FAAP20: variants seen among roughly 807,000 people sequenced by gnomAD.
FAAP20 encodes Fanconi anemia core complex-associated protein 20.
Under a neutral mutation model 16.2 loss-of-function variants are expected in FAAP20, and 12 were observed. The observed-to-expected ratio is 0.74, with a 90% CI of 0.48 to 1.20. The LOEUF (loss-of-function observed/expected upper bound fraction) is 1.20, where lower values mean the gene tolerates loss of function less well. Ranked by LOEUF, FAAP20 falls within the 50% of genes most tolerant of loss-of-function variation. FAAP20 has a pLI of 0.00. For missense variants in FAAP20, 288 were observed against 245.8 expected, an observed-to-expected ratio of 1.17 and a Z score of -1.15; for synonymous variants, 141 against 110.7, an observed-to-expected ratio of 1.27 and a Z score of -1.72.
upstream of FAAP20, among the ~76,000 whole-genome samples, chr1:2,202,705 A>C (rs1350079741): frequency 1.3e-5 from 2 of 152,074 alleles, no homozygotes; most frequent in East Asian, 3.9e-4. Flanking sequence ...TGAACTCCTG[A>C]GCTCAAGCGA....
At chr1:2,203,384 T>G, upstream of FAAP20, 1 of 981,166 alleles carries the variant, frequency 1.0e-6, no homozygotes, top group Non-Finnish European at 1.2e-6. Context: ...CACCCATGGC[T>G]GCCCTGCCCA....
upstream of FAAP20, chr1:2,197,924 G>A (rs1426888021): frequency 1.6e-6 from 2 of 1,224,862 alleles, no homozygotes; most frequent in Non-Finnish European, 2.1e-6. Flanking sequence ...CCCGACAGCT[G>A]CCTGCCAGCC....
upstream of FAAP20, chr1:2,198,915 G>A: frequency 1.6e-6 from 2 of 1,289,806 alleles, no homozygotes; most frequent in Non-Finnish European, 2.0e-6. Flanking sequence ...AGGCAGACAG[G>A]CTGTGAGAGA....
At chr1:2,191,750 A>G (rs1201533401) in intron 3 of FAAP20, 1 of 874,836 alleles carries the variant, frequency 1.1e-6, no homozygotes, top group African/African-American at 1.8e-5. Flanking sequence ...CAAAAAAAAA[A>G]AAAAATCCCA....
chr1:2,185,257 G>C (rs769006667), downstream of FAAP20: 1 of 714,962 alleles, frequency 1.4e-6, no homozygotes, highest in Non-Finnish European at 2.6e-6. Flanking sequence ...CGGATCCGCG[G>C]GGACCCTGCC....
upstream of FAAP20, chr1:2,198,272 G>A (rs1688903849): frequency 1.0e-6 from 1 of 974,746 alleles, no homozygotes. Flanking sequence ...CAGAGCAGAA[G>A]GTGATCGAGT....
downstream of FAAP20, chr1:2,185,546 C>G (rs772509920): frequency 1.4e-6 from 1 of 712,810 alleles, no homozygotes. Flanking sequence ...AGAATTGTTT[C>G]CTAAAAACCC....
chr1:2,189,656 C>CCG lies in FAAP20; in HGVS notation c.*52_*53insCG. The CCG allele has an allele frequency of 6.8e-7, 1 of 1,473,078 alleles. No homozygotes were observed. 91.3% of individuals were successfully genotyped at this position (1,473,078 alleles called of 1,614,324 possible). A position where few individuals can be genotyped will look rare whatever the true frequency, so the allele number is the denominator to read the frequency against. On this transcript the variant is annotated 3_prime_UTR_variant, in exon 4 of 4. Transcript: ENST00000378546. The stretch of plus-strand genomic sequence containing the variant: ...GGGAGCCGAGAGGCGGGGCTGCTGG[C>CCG]GGGGGAGAGCGTGTCCGGGCGCCGC...
downstream of FAAP20, among the ~76,000 whole-genome samples, chr1:2,208,985 G>A (rs975467043): frequency 2.6e-5 from 4 of 152,208 alleles, no homozygotes; most frequent in African/African-American, 4.8e-5. Flanking sequence ...CACAAAGCCC[G>A]GACCCCACTC....
chr1:2,190,139 G>A (rs56368624), intron 3 of FAAP20: 7 of 510,854 alleles, frequency 1.4e-5, no homozygotes, highest in African/African-American at 7.7e-5. Context: ...AGGCAGGACG[G>A]CGGGTGGCCT....
upstream of FAAP20, chr1:2,199,206 G>A (rs1455271991): frequency 8.6e-7 from 1 of 1,167,122 alleles, no homozygotes; most frequent in Non-Finnish European, 1.1e-6. This position sits in a 1 kb window ranked among gnomAD's most constrained non-coding sequence, Gnocchi z 4.5. Flanking sequence ...CGACCAGACA[G>A]GGCCAGCCGC....
At chr1:2,189,204 G>A (rs868439271), downstream of FAAP20, among the ~76,000 whole-genome samples, 17 of 151,442 alleles carry the variant, frequency 1.1e-4, no homozygotes, top group East Asian at 2.5e-3. Flanking sequence ...GTGGTGACGC[G>A]CGCCTGTAGT....
chr1:2,188,829 C>T (rs573290151), downstream of FAAP20, among the ~76,000 whole-genome samples: 45 of 151,394 alleles, frequency 3.0e-4, no homozygotes, highest in South Asian at 2.1e-3. Context: ...CACGGTGAAA[C>T]CCCGTTTCTA....
intron 1 of FAAP20, 183 bp from the exon 2 acceptor site, chr1:2,194,316 G>A (rs1234275853): frequency 3.6e-6 from 2 of 558,068 alleles, no homozygotes; most frequent in Non-Finnish European, 6.1e-6. Flanking sequence ...GTGCGGAGAT[G>A]AGGGGTACTG....
chr1:2,199,391 CCCCAG>C (rs909082705), upstream of FAAP20: 142 of 1,024,738 alleles, frequency 1.4e-4, no homozygotes, highest in East Asian at 5.6e-3. The surrounding 1 kb of genome is among the most constrained non-coding windows in gnomAD (Gnocchi z 4.5). Flanking sequence ...GGAGAAGCTT[CCCCAG>C]CCCAGCCCAG....
intron 3 of FAAP20, among the ~76,000 whole-genome samples, chr1:2,205,436 C>T (rs1296591915): frequency 2.0e-5 from 3 of 151,024 alleles, no homozygotes; most frequent in African/African-American, 7.3e-5. Flanking sequence ...GCCACCTCGC[C>T]GCTTCAATTT....
At chr1:2,189,457 G>C (rs1687908533), downstream of FAAP20, 1 of 557,050 alleles carries the variant, frequency 1.8e-6, no homozygotes, top group Non-Finnish European at 3.2e-6. Context: ...GGGGAAAGGG[G>C]TCAGCTTCCC....
At chr1:2,209,606 G>T (rs1031562029), downstream of FAAP20, among the ~76,000 whole-genome samples, 4 of 152,252 alleles carry the variant, frequency 2.6e-5, no homozygotes, top group Non-Finnish European at 5.9e-5. Context: ...CAGGCCAGGG[G>T]CCTCCCGTGG....
At chr1:2,187,849 G>A (rs1687759646), downstream of FAAP20, among the ~76,000 whole-genome samples, 1 of 152,208 alleles carries the variant, frequency 6.6e-6, no homozygotes, top group Non-Finnish European at 1.5e-5. Flanking sequence ...ACGTGACAGT[G>A]TGGATTCACC....
Sources: allele counts gnomAD v4.1 joint callset (sites outside exome capture counted in the v4.1 genomes callset), GRCh38; gene constraint gnomAD v4.1.1; non-coding constraint Gnocchi (gnomAD v3.1); transcripts MANE v1.5; gene names NCBI Gene and HGNC (gene_info 2026-07-23, HGNC 2026-07-21).